Variants in CTNNA3 observed in about 807,000 individuals in gnomAD.
CTNNA3 encodes the protein catenin alpha 3.
CTNNA3 carries 76 observed loss-of-function variants against 95.7 expected under a neutral mutation model. The ratio of observed to expected loss-of-function variants is 0.79; its 90% CI spans 0.66 to 0.96. CTNNA3 has a LOEUF of 0.96. Ranked by LOEUF, CTNNA3 falls within the 40% of genes least tolerant of loss-of-function variation. CTNNA3 has a pLI of 0.00. For missense variants in CTNNA3, 1,191 were observed against 1,089.8 expected, an observed-to-expected ratio of 1.09 and a Z score of -1.31; for synonymous variants, 431 against 374.4, an observed-to-expected ratio of 1.15 and a Z score of -1.74.
chr10:66,013,422 T>C (rs538061412), intron 15 of CTNNA3, among the ~76,000 whole-genome samples: 1 of 152,202 alleles, frequency 6.6e-6, no homozygotes, highest in Non-Finnish European at 1.5e-5. Flanking sequence ...CTATGGCAAA[T>C]TTTTAAATAG....
At chr10:66,232,920 G>A (rs1350143681) in intron 13 of CTNNA3, among the ~76,000 whole-genome samples, 1 of 152,014 alleles carries the variant, frequency 6.6e-6, no homozygotes, top group East Asian at 1.9e-4. Context: ...CATTTTGGGA[G>A]GCCGAGGCGG....
chr10:67,514,719 TG>T (rs1337543849), intron 5 of CTNNA3, among the ~76,000 whole-genome samples: 2 of 138,182 alleles, frequency 1.4e-5, no homozygotes, highest in African/African-American at 6.5e-5. Flanking sequence ...TTGTTTTTGT[TG>T]TTTTTTTTTT....
intron 10 of CTNNA3, among the ~76,000 whole-genome samples, chr10:66,597,569 T>G (rs1225812381): frequency 7.3e-6 from 1 of 137,244 alleles, no homozygotes; most frequent in African/African-American, 2.7e-5. Flanking sequence ...TTAAAAATTT[T>G]AAAAATAACA....
At chr10:67,634,644 A>G (rs1410804947) in intron 2 of CTNNA3, among the ~76,000 whole-genome samples, 1 of 152,188 alleles carries the variant, frequency 6.6e-6, no homozygotes, top group Admixed American at 6.5e-5. Context: ...TTACCAAGCA[A>G]ATGGAAAACA....
chr10:67,312,075 C>CTTTTT (rs5785820), intron 5 of CTNNA3, among the ~76,000 whole-genome samples: 1 of 142,362 alleles, frequency 7.0e-6, no homozygotes, highest in Non-Finnish European at 1.5e-5. Context: ...ATTTAAATTA[C>CTTTTT]TTTTTTTTTT....
chr10:67,152,807 G>A (rs915732868), intron 7 of CTNNA3, among the ~76,000 whole-genome samples: 1 of 152,022 alleles, frequency 6.6e-6, no homozygotes, highest in African/African-American at 2.4e-5. Context: ...ATAGCTTATA[G>A]CTGTCTTTCC....
chr10:67,282,363 A>G (rs1339151092), intron 5 of CTNNA3, among the ~76,000 whole-genome samples: 2 of 152,176 alleles, frequency 1.3e-5, no homozygotes, highest in Non-Finnish European at 2.9e-5. Flanking sequence ...TCCTGTAGGT[A>G]TACTCCCATG....
intron 6 of CTNNA3, among the ~76,000 whole-genome samples, chr10:67,182,532 T>C (rs1207318088): frequency 2.6e-5 from 4 of 151,918 alleles, no homozygotes; most frequent in African/African-American, 9.7e-5. Flanking sequence ...TATACAAAAA[T>C]TAATTCAAGA....
chr10:67,303,999 C>T (rs977465075), intron 5 of CTNNA3, among the ~76,000 whole-genome samples: 7 of 152,092 alleles, frequency 4.6e-5, no homozygotes, highest in African/African-American at 9.7e-5. Flanking sequence ...TCCTATGTAC[C>T]GTTTTGGGCT....
Position 67,460,886 on chromosome 10 carries a change from T to C in CTNNA3, c.579+60956A>G, listed in dbSNP as rs556145201. On this transcript the variant is annotated intron_variant, in intron 5 of 17. Transcript: ENST00000433211. ...AGACAATCTAAATCTCCCAATACTATACAGTAAATTACTAAGGTAATAATG... is the reference window on the plus strand; with the variant it reads ...AGACAATCTAAATCTCCCAATACTACACAGTAAATTACTAAGGTAATAATG... Among the ~76,000 whole-genome samples the C allele has an allele frequency of 2.6e-5, 4 of 152,312 alleles. No individual in the cohort carries two copies. In the South Asian group the frequency reaches 8.3e-4, roughly 32 times the overall value.
chr10:67,721,940 T>C (rs1841181770), intron 1 of CTNNA3, among the ~76,000 whole-genome samples: 1 of 152,142 alleles, frequency 6.6e-6, no homozygotes, highest in Non-Finnish European at 1.5e-5. Flanking sequence ...CTGCTGGAGT[T>C]TGCTGGAGGT....
At chr10:66,382,558 G>T (rs1254098288) in intron 11 of CTNNA3, among the ~76,000 whole-genome samples, 1 of 152,162 alleles carries the variant, frequency 6.6e-6, no homozygotes, top group African/African-American at 2.4e-5. Flanking sequence ...CTGTCAGACA[G>T]CTATGAAGAG....
intron 4 of CTNNA3, among the ~76,000 whole-genome samples, chr10:67,526,277 GATA>G (rs1450878842): frequency 2.0e-5 from 3 of 150,684 alleles, no homozygotes; most frequent in Non-Finnish European, 2.9e-5. Context: ...CTTACAAGAT[GATA>G]ATACCACTCA....
At chr10:66,746,356 TCTA>T (rs1265617776) in intron 9 of CTNNA3, among the ~76,000 whole-genome samples, 4 of 152,298 alleles carry the variant, frequency 2.6e-5, no homozygotes, top group Middle Eastern at 3.4e-3. Flanking sequence ...AAATTCTAGC[TCTA>T]CTATCTTCTA....
intron 17 of CTNNA3, among the ~76,000 whole-genome samples, chr10:65,942,898 T>A (rs1426323936): frequency 6.6e-6 from 1 of 152,168 alleles, no homozygotes; most frequent in Non-Finnish European, 1.5e-5. Context: ...AGGTTTTAAT[T>A]TGCAAAGTTG....
At chr10:67,486,896 G>A (rs1184087039) in intron 5 of CTNNA3, among the ~76,000 whole-genome samples, 1 of 152,020 alleles carries the variant, frequency 6.6e-6, no homozygotes, top group Non-Finnish European at 1.5e-5. Context: ...TCACACTTTA[G>A]TCATTTTACT....
chr10:66,815,357 C>A (rs1449510569), intron 7 of CTNNA3, among the ~76,000 whole-genome samples: 1 of 152,056 alleles, frequency 6.6e-6, no homozygotes, highest in African/African-American at 2.4e-5. Flanking sequence ...GCCTTGAAAA[C>A]AAACAATTCA....
chr10:67,602,335 C>T (rs1490407033), intron 3 of CTNNA3, among the ~76,000 whole-genome samples: 2 of 152,196 alleles, frequency 1.3e-5, no homozygotes, highest in Non-Finnish European at 2.9e-5. Context: ...GGGAACAGTG[C>T]TTTCACTGTC....
intron 9 of CTNNA3, among the ~76,000 whole-genome samples, chr10:66,743,394 T>G (rs574926251): frequency 2.0e-5 from 3 of 152,274 alleles, no homozygotes; most frequent in African/African-American, 7.2e-5. Context: ...TACCTAGATA[T>G]AGACATTTAC....
Sources: allele counts gnomAD v4.1 joint callset (sites outside exome capture counted in the v4.1 genomes callset), GRCh38; gene constraint gnomAD v4.1.1; transcripts MANE v1.5; gene names NCBI Gene and HGNC (gene_info 2026-07-23, HGNC 2026-07-21).